Variants in BCAS3 observed in about 807,000 individuals in gnomAD.
BCAS3 encodes BCAS4/BCAS3 fusion.
BCAS3 carries 53 observed loss-of-function variants against 116.1 expected under a neutral mutation model. The ratio of observed to expected loss-of-function variants is 0.46; its 90% CI spans 0.37 to 0.57. The LOEUF is 0.57. BCAS3 is among the 20% of genes least tolerant of loss of function. The pLI is 0.00. For missense variants in BCAS3, 917 were observed against 1,165.4 expected, an observed-to-expected ratio of 0.79 and a Z score of 3.10; for synonymous variants, 391 against 408.2, an observed-to-expected ratio of 0.96 and a Z score of 0.51.
rs958768470 is a variant in BCAS3 at position 61,019,923 on chromosome 17, A to G, written c.1637+4022A>G. Among the ~76,000 whole-genome samples the G allele has an allele frequency of 1.3e-5, 2 of 152,220 alleles. No individual in the cohort carries two copies. The highest frequency in any genetic ancestry group is 2.9e-5 in the Non-Finnish European group (2 of 68,042). ...TCCTAGTATTTTTAAAATAAAATCA[A>G]CAAGAAGTATTTGACATGGATTATG... On this transcript the variant is annotated intron_variant, in intron 16 of 23. Coordinates refer to ENST00000407086, the MANE Select transcript of BCAS3 (RefSeq NM_017679.5). This position sits in a 1 kb window ranked among gnomAD's most constrained non-coding sequence, Gnocchi z 5.6.
At chr17:60,703,869 A>G (rs1448358907) in intron 4 of BCAS3, among the ~76,000 whole-genome samples, 1 of 150,838 alleles carries the variant, frequency 6.6e-6, no homozygotes, top group Non-Finnish European at 1.5e-5. Flanking sequence ...AGCCGAGATC[A>G]TGCCGCTGCA....
At chr17:60,917,006 T>A (rs1022929148) in intron 12 of BCAS3, among the ~76,000 whole-genome samples, 25 of 152,146 alleles carry the variant, frequency 1.6e-4, no homozygotes, top group African/African-American at 5.3e-4. Context: ...TCAAAGTTCT[T>A]CCCAAAATGT....
chr17:60,814,988 G>A (rs954647809), intron 7 of BCAS3, among the ~76,000 whole-genome samples: 1 of 152,128 alleles, frequency 6.6e-6, no homozygotes, highest in African/African-American at 2.4e-5. Flanking sequence ...CTGCTATAAA[G>A]ACACATGCAC....
At chr17:60,982,468 G>T (rs939950394) in intron 14 of BCAS3, among the ~76,000 whole-genome samples, 1 of 151,948 alleles carries the variant, frequency 6.6e-6, no homozygotes, top group East Asian at 1.9e-4. Flanking sequence ...ATTGCGCCTC[G>T]CTTGCTATTG....
At chr17:61,272,355 G>A (rs1345337392) in intron 22 of BCAS3, among the ~76,000 whole-genome samples, 1 of 152,012 alleles carries the variant, frequency 6.6e-6, no homozygotes, top group African/African-American at 2.4e-5. Context: ...ATTTTGCCCA[G>A]GGCACAGAGG....
chr17:61,031,739 GA>G (rs1327499327), intron 16 of BCAS3, among the ~76,000 whole-genome samples: 3 of 152,018 alleles, frequency 2.0e-5, no homozygotes, highest in Non-Finnish European at 2.9e-5. Flanking sequence ...TTTTCAGGGT[GA>G]AAACTCTTTT....
chr17:60,866,818 G>A (rs936877923), intron 7 of BCAS3, among the ~76,000 whole-genome samples: 5 of 151,992 alleles, frequency 3.3e-5, no homozygotes, highest in African/African-American at 9.7e-5. Flanking sequence ...TTTGACCAGA[G>A]TTATTGATTC....
rs1258963031 is a variant in BCAS3, at chr17:61,362,279, G to A, written c.2426-6048G>A. On this transcript the variant is annotated intron_variant, in intron 22 of 23. Transcript: ENST00000407086. The surrounding 1 kb of genome is among the most constrained non-coding windows in gnomAD (Gnocchi z 4.4). ...GGATCATTTCTTAGTTATTGTAGACGTCATCATCACAACCTCTCACCAAGG... is the reference window on the plus strand; with the variant it reads ...GGATCATTTCTTAGTTATTGTAGACATCATCATCACAACCTCTCACCAAGG... Among the ~76,000 whole-genome samples, 2 of 152,130 alleles carry A rather than the reference G, an allele frequency of 1.3e-5. No individual in the cohort carries two copies. The highest frequency in any genetic ancestry group is 2.4e-5 in the African/African-American group (1 of 41,424).
In BCAS3 at chr17:61,120,724, T is replaced by A. The variant is rs191363603; in HGVS notation, c.2425+36160T>A. Among the ~76,000 whole-genome samples the A allele has an allele frequency of 6.7e-3, 1,015 of 152,148 alleles. 9 individuals carry two copies. The highest frequency in any genetic ancestry group is 9.8e-3 in the Non-Finnish European group (668 of 67,926). ...ATCTCTAAAAATAAGGACTTTTTTT[T>A]AAAAAACAAAGTATTATCATGCCTG... On this transcript the variant is annotated intron_variant, in intron 22 of 23. Transcript: ENST00000407086.
intron 14 of BCAS3, among the ~76,000 whole-genome samples, chr17:60,989,291 A>G (rs1305632261): frequency 6.6e-6 from 1 of 152,122 alleles, no homozygotes; most frequent in Non-Finnish European, 1.5e-5. Flanking sequence ...TTTTTCTGAA[A>G]TAAGTAAGTG....
chr17:61,040,618 C>T (rs1173103762), intron 18 of BCAS3, among the ~76,000 whole-genome samples, 174 bp from the exon 19 acceptor site: 1 of 152,118 alleles, frequency 6.6e-6, no homozygotes, highest in Non-Finnish European at 1.5e-5. Flanking sequence ...TTTTTCTAAG[C>T]AGATGGCCTT....
chr17:61,078,544 T>G lies in BCAS3; in HGVS notation c.2327+15T>G, dbSNP rs201804015. Reference sequence around the variant, plus strand: ...AACAGTCTCAGGTAGGAAATGAGAATTAGGGAGTGATTTGAACAAAAGGAT... The same window carrying G: ...AACAGTCTCAGGTAGGAAATGAGAAGTAGGGAGTGATTTGAACAAAAGGAT... On this transcript the variant is annotated intron_variant, in intron 21 of 23. Transcript: ENST00000407086. 6.3e-7 allele frequency: 1 copy of G among 1,596,542 alleles called. No homozygotes were observed. The highest frequency in any genetic ancestry group is 1.3e-5 in the African/African-American group (1 of 74,618).
intron 6 of BCAS3, among the ~76,000 whole-genome samples, chr17:60,747,569 C>T (rs2144262667): frequency 6.6e-6 from 1 of 152,222 alleles, no homozygotes; most frequent in East Asian, 1.9e-4. Flanking sequence ...AGCCCTTTTT[C>T]TCTCTTGGTT....
chr17:61,357,599 A>G (rs1280153121), intron 22 of BCAS3, among the ~76,000 whole-genome samples: 1 of 149,108 alleles, frequency 6.7e-6, no homozygotes, highest in Non-Finnish European at 1.5e-5. Flanking sequence ...GCCTGCCACC[A>G]CACCCGGCTA....
chr17:60,935,422 T>C (rs1599795681), intron 13 of BCAS3, among the ~76,000 whole-genome samples: 1 of 152,198 alleles, frequency 6.6e-6, no homozygotes, highest in Non-Finnish European at 1.5e-5. Flanking sequence ...GTTCCTTTGA[T>C]TGTTTCTAAG....
intron 13 of BCAS3, among the ~76,000 whole-genome samples, chr17:60,927,573 A>G (rs57893391): frequency 0.042 from 6,363 of 152,184 alleles, 417 homozygotes; most frequent in African/African-American, 0.14. Context: ...ATTTTTCTAT[A>G]GAAATTTTGA....
intron 23 of BCAS3, among the ~76,000 whole-genome samples, chr17:61,375,217 T>TG (rs1193194982): frequency 8.1e-6 from 1 of 123,608 alleles, no homozygotes; most frequent in African/African-American, 3.4e-5. Flanking sequence ...AAAAGCACTA[T>TG]TTGTGTGTGT....
chr17:61,169,551 G>A (rs2078715652), intron 22 of BCAS3, among the ~76,000 whole-genome samples: 2 of 152,144 alleles, frequency 1.3e-5, no homozygotes, highest in Admixed American at 1.3e-4. Context: ...AGGATTACAT[G>A]TGTGAGCCCG....
At chr17:60,930,452 C>CTTCA (rs1246730006) in intron 13 of BCAS3, among the ~76,000 whole-genome samples, 1 of 152,084 alleles carries the variant, frequency 6.6e-6, no homozygotes, top group Non-Finnish European at 1.5e-5. Flanking sequence ...TCCTTTTAGT[C>CTTCA]TTCATTCATT....
Sources: gnomAD v4.1 joint callset for allele counts (sites outside exome capture counted in the v4.1 genomes callset) on GRCh38, gnomAD v4.1.1 for gene constraint, Gnocchi (gnomAD v3.1) non-coding constraint, MANE v1.5 for transcripts, NCBI Gene and HGNC (gene_info 2026-07-23, HGNC 2026-07-21) for gene names.